The following LDLRAD3 variants were observed in gnomAD, a reference collection of about 807,000 sequenced individuals.
The protein encoded by LDLRAD3 is low-density lipoprotein receptor class A domain-containing protein 3.
LDLRAD3 carries 20 observed loss-of-function variants against 29.4 expected under a neutral mutation model. The ratio of observed to expected loss-of-function variants is 0.68; its 90% confidence interval spans 0.48 to 0.99. The LOEUF (loss-of-function observed/expected upper bound fraction) is 0.99, where lower values mean the gene tolerates loss of function less well. Ranked by LOEUF, LDLRAD3 falls within the 50% of genes least tolerant of loss-of-function variation. The pLI, the probability that LDLRAD3 is intolerant of heterozygous loss-of-function variation, is 0.00. For synonymous variants in LDLRAD3, 157 were observed against 192.7 expected (o/e 0.81, Z 1.53); for missense variants, 420 against 454.3 (o/e 0.92, Z 0.69).
chr11:35,989,170 T>A (rs1851656457), intron 1 of LDLRAD3, among the ~76,000 whole-genome samples: 8 of 152,196 alleles, frequency 5.3e-5, no homozygotes, highest in Admixed American at 5.2e-4. Flanking sequence ...TTGTAAAAGA[T>A]CAGATGGCTG....
rs921398214 is a variant in LDLRAD3 at position 35,944,336 on chromosome 11, C to T, written c.46+192C>T. 2.0e-5 allele frequency among the ~76,000 whole-genome samples: 3 copies of T among 151,792 alleles called. No homozygotes were observed. ...GGGCCGCCGCGGGGTGCGAGCCGTC[C>T]TATTGTGTGGGCGTGCGCGCCGGGT... On this transcript the variant is annotated intron_variant, in intron 1 of 5. Coordinates refer to ENST00000315571, the MANE Select transcript of LDLRAD3 (RefSeq NM_174902.4). This position sits in a 1 kb window ranked among gnomAD's most constrained non-coding sequence, Gnocchi z 4.9.
chr11:36,068,660 G>A (rs1852838093), intron 2 of LDLRAD3, among the ~76,000 whole-genome samples: 1 of 152,156 alleles, frequency 6.6e-6, no homozygotes, highest in African/African-American at 2.4e-5. Flanking sequence ...GGGACTACAG[G>A]CATGTGCCAC....
At chr11:35,947,356 A>T (rs1488557095) in intron 1 of LDLRAD3, among the ~76,000 whole-genome samples, 1 of 152,068 alleles carries the variant, frequency 6.6e-6, no homozygotes, top group Non-Finnish European at 1.5e-5. Context: ...CTAAAAATAC[A>T]AAAATTAGCC....
intron 1 of LDLRAD3, among the ~76,000 whole-genome samples, chr11:35,982,909 G>A (rs770881746): frequency 2.8e-4 from 41 of 144,226 alleles, no homozygotes; most frequent in African/African-American, 8.7e-4. Flanking sequence ...GCTGCAGTGC[G>A]GTGTCGCAAT....
intron 1 of LDLRAD3, among the ~76,000 whole-genome samples, chr11:35,979,829 G>C (rs1851518890): frequency 6.6e-6 from 1 of 152,194 alleles, no homozygotes; most frequent in South Asian, 2.1e-4. Flanking sequence ...CTCCTGGGGA[G>C]GGCTCTCCTG....
intron 1 of LDLRAD3, chr11:35,968,499 G>A (rs905450280): frequency 8.7e-5 from 31 of 355,100 alleles, no homozygotes; most frequent in South Asian, 7.0e-4. Flanking sequence ...TCTTTTTCCC[G>A]AGGTGTGTTG....
At chr11:36,087,111 C>T (rs1374555796) in intron 3 of LDLRAD3, among the ~76,000 whole-genome samples, 1 of 151,950 alleles carries the variant, frequency 6.6e-6, no homozygotes, top group East Asian at 1.9e-4. Context: ...TTCTTTAAGA[C>T]CCAGTTTCAT....
At chr11:35,956,876 C>T (rs1322539553) in intron 1 of LDLRAD3, among the ~76,000 whole-genome samples, 1 of 151,912 alleles carries the variant, frequency 6.6e-6, no homozygotes, top group African/African-American at 2.4e-5. Context: ...GCTGGGACTA[C>T]AGGCGCCCGC....
intron 4 of LDLRAD3, among the ~76,000 whole-genome samples, chr11:36,127,918 G>A (rs146054574): frequency 5.9e-5 from 9 of 151,686 alleles, no homozygotes; most frequent in Non-Finnish European, 1.3e-4. Flanking sequence ...CTGGGTCAAA[G>A]GTCCACCAGT....
intron 4 of LDLRAD3, among the ~76,000 whole-genome samples, chr11:36,106,562 G>C (rs1252195236): frequency 6.6e-6 from 1 of 152,218 alleles, no homozygotes; most frequent in Non-Finnish European, 1.5e-5. Context: ...ACCCCAGGAG[G>C]AGGGTCCTAA....
Position 35,944,934 on chromosome 11 carries a change from T to C in LDLRAD3, c.46+790T>C, listed in dbSNP as rs954391162. 6.6e-6 allele frequency among the ~76,000 whole-genome samples: 1 copy of C among 152,196 alleles called. No individual in the cohort carries two copies. Among genetic ancestry groups the C allele is most frequent in the African/African-American group, 2.4e-5 (1 of 41,450 alleles). On this transcript the variant is annotated intron_variant, in intron 1 of 5. Coordinates refer to ENST00000315571, the MANE Select transcript of LDLRAD3 (RefSeq NM_174902.4). This position sits in a 1 kb window ranked among gnomAD's most constrained non-coding sequence, Gnocchi z 4.9. ...AAGCCTCTTTCCCTTCCAGACAGCGTGCTGTTCCCAGGAACTTTTCTGCTG... is the reference window on the plus strand; with the variant it reads ...AAGCCTCTTTCCCTTCCAGACAGCGCGCTGTTCCCAGGAACTTTTCTGCTG...
intron 1 of LDLRAD3, among the ~76,000 whole-genome samples, chr11:35,977,132 C>G (rs903250603): frequency 2.0e-5 from 3 of 152,150 alleles, no homozygotes; most frequent in African/African-American, 7.2e-5. Context: ...ATGGTGCTAG[C>G]TCCATGCTAT....
chr11:36,026,687 CT>C (rs1468510365), intron 1 of LDLRAD3, among the ~76,000 whole-genome samples: 1 of 152,230 alleles, frequency 6.6e-6, no homozygotes, highest in Non-Finnish European at 1.5e-5. Context: ...GTCCTCATTG[CT>C]CATTATATGC....
At chr11:36,228,780 T>C (rs1435254704) in intron 5 of LDLRAD3, among the ~76,000 whole-genome samples, 1 of 152,200 alleles carries the variant, frequency 6.6e-6, no homozygotes, top group Admixed American at 6.5e-5. Context: ...GCCAATTCCA[T>C]GTTCCCATCA....
chr11:36,141,042 G>A (rs1220905291), intron 4 of LDLRAD3, among the ~76,000 whole-genome samples: 2 of 86,226 alleles, frequency 2.3e-5, no homozygotes, highest in African/African-American at 6.7e-5. Flanking sequence ...CTCTCCGTGT[G>A]GGGGTGTGCG....
intron 1 of LDLRAD3, among the ~76,000 whole-genome samples, chr11:35,996,559 C>T (rs921194378): frequency 7.9e-5 from 12 of 152,128 alleles, no homozygotes; most frequent in African/African-American, 2.9e-4. Context: ...AGACTTACTG[C>T]GTTCAGGATT....
intron 4 of LDLRAD3, chr11:36,110,104 T>C (rs1477795051): frequency 6.6e-6 from 1 of 152,226 alleles, no homozygotes; most frequent in Non-Finnish European, 1.5e-5. Context: ...GGTGGGGTTT[T>C]CTTCTTAGTA....
At chr11:36,084,207 G>A (rs1279820144) in intron 3 of LDLRAD3, among the ~76,000 whole-genome samples, 1 of 152,204 alleles carries the variant, frequency 6.6e-6, no homozygotes, top group Admixed American at 6.5e-5. Context: ...TTATAGGCAT[G>A]AGCCACCATG....
At chr11:36,205,437 AGG>A (rs1855193443) in intron 4 of LDLRAD3, among the ~76,000 whole-genome samples, 1 of 152,210 alleles carries the variant, frequency 6.6e-6, no homozygotes, top group Admixed American at 6.5e-5. Context: ...GGGCTGTTGA[AGG>A]ACTTTTATCC....
Sources: allele counts gnomAD v4.1 joint callset (sites outside exome capture counted in the v4.1 genomes callset), GRCh38; gene constraint gnomAD v4.1.1; non-coding constraint Gnocchi (gnomAD v3.1); transcripts MANE v1.5; gene names NCBI Gene and HGNC (gene_info 2026-07-23, HGNC 2026-07-21).